GRID2: variants seen among roughly 807,000 people sequenced by gnomAD.
The protein encoded by GRID2 is glutamate ionotropic receptor delta type subunit 2.
A neutral mutation model predicts 114.8 loss-of-function variants in GRID2; 33 were observed. That is an observed-to-expected ratio of 0.29 (90% CI 0.22 to 0.38). GRID2 has a LOEUF of 0.38. Ranked by LOEUF, GRID2 falls within the 10% of genes least tolerant of loss-of-function variation. The pLI is 1.00. For synonymous variants in GRID2, 505 were observed against 449.9 expected, an observed-to-expected ratio of 1.12 and a Z score of -1.55; for missense variants, 1,184 against 1,257.7, an observed-to-expected ratio of 0.94 and a Z score of 0.89.
chr4:93,306,601 A>T (rs1319536693), intron 8 of GRID2, among the ~76,000 whole-genome samples: 3 of 152,214 alleles, frequency 2.0e-5, no homozygotes, highest in African/African-American at 7.2e-5. Flanking sequence ...CAGCAGACTG[A>T]TAATTGTATA....
chr4:93,200,210 T>C (rs1467413860), intron 4 of GRID2, among the ~76,000 whole-genome samples: 2 of 152,234 alleles, frequency 1.3e-5, no homozygotes, highest in South Asian at 2.1e-4. Context: ...TTGTCTATTT[T>C]GTTTTTAAAT....
chr4:93,295,130 C>A (rs79945431), intron 8 of GRID2, among the ~76,000 whole-genome samples: 1 of 152,022 alleles, frequency 6.6e-6, no homozygotes, highest in African/African-American at 2.4e-5. Context: ...GGTGGAGATG[C>A]AGGCAACTGG....
At chr4:92,385,896 GTGTGTATA>G (rs36205573) in intron 1 of GRID2, among the ~76,000 whole-genome samples, 36,638 of 120,228 alleles carry the variant, frequency 0.3, 5,144 homozygotes, top group East Asian at 0.62. Flanking sequence ...GTGTGTGTGT[GTGTGTATA>G]TATATATATA....
At chr4:92,395,444 A>G (rs1730446812) in intron 1 of GRID2, among the ~76,000 whole-genome samples, 1 of 151,770 alleles carries the variant, frequency 6.6e-6, no homozygotes, top group African/African-American at 2.4e-5. Flanking sequence ...ACCCTTCATT[A>G]CTTAATATCT....
chr4:92,545,189 G>A (rs1221529527), intron 1 of GRID2, among the ~76,000 whole-genome samples: 1 of 148,404 alleles, frequency 6.7e-6, no homozygotes, highest in African/African-American at 2.5e-5. Context: ...TTTTCAATTT[G>A]CTATGTCAGC....
chr4:92,988,186 A>G (rs1404452755), intron 2 of GRID2, among the ~76,000 whole-genome samples: 1 of 152,142 alleles, frequency 6.6e-6, no homozygotes, highest in Non-Finnish European at 1.5e-5. Flanking sequence ...CTCAGGGTTC[A>G]TTACAGAAGC....
In GRID2 at chr4:92,608,337, G is replaced by A. The variant is rs570287182; in HGVS notation, c.244+18051G>A. Among the ~76,000 whole-genome samples the A allele has an allele frequency of 3.2e-3, 490 of 151,842 alleles. 1 individual carries two copies. The highest frequency in any genetic ancestry group is 0.011 in the African/African-American group (471 of 41,490). The stretch of plus-strand genomic sequence containing the variant: ...AAGATATCAATCTTCATATACCAAA[G>A]TCTTATTATTTCTTTTAAAATGCAG... On this transcript the variant is annotated intron_variant, in intron 2 of 15. Transcript: ENST00000282020.
At chr4:92,437,081 A>T (rs956492460) in intron 1 of GRID2, among the ~76,000 whole-genome samples, 13 of 152,204 alleles carry the variant, frequency 8.5e-5, no homozygotes, top group Non-Finnish European at 1.9e-4. Flanking sequence ...TTTATAAGTT[A>T]TGTGTCTATA....
At chr4:92,335,125 T>G (rs1028701364) in intron 1 of GRID2, among the ~76,000 whole-genome samples, 3 of 152,256 alleles carry the variant, frequency 2.0e-5, no homozygotes, top group South Asian at 2.1e-4. Context: ...CTTTTTATCT[T>G]GTTGTTTGAA....
chr4:93,708,549 A>G (rs986388282), intron 14 of GRID2, among the ~76,000 whole-genome samples: 5 of 151,968 alleles, frequency 3.3e-5, no homozygotes, highest in African/African-American at 1.2e-4. Context: ...TTTGCAGTCT[A>G]TGTATCTCTA....
intron 9 of GRID2, among the ~76,000 whole-genome samples, chr4:93,415,877 G>A (rs1767653798): frequency 6.6e-6 from 1 of 151,966 alleles, no homozygotes; most frequent in Non-Finnish European, 1.5e-5. Flanking sequence ...TATAGAAGAT[G>A]TAAGGATTTA....
At chr4:93,371,947 C>A (rs1364200432) in intron 8 of GRID2, among the ~76,000 whole-genome samples, 1 of 151,886 alleles carries the variant, frequency 6.6e-6, no homozygotes, top group Non-Finnish European at 1.5e-5. Flanking sequence ...GGGGTTTTAC[C>A]ATGTTGGCCA....
chr4:93,708,583 A>G (rs1038473641), intron 14 of GRID2, among the ~76,000 whole-genome samples: 3 of 151,880 alleles, frequency 2.0e-5, no homozygotes, highest in African/African-American at 7.2e-5. Flanking sequence ...TTTCTTGTAC[A>G]TGAGAGATTG....
chr4:92,882,160 T>C (rs948681045), intron 2 of GRID2, among the ~76,000 whole-genome samples: 2 of 152,156 alleles, frequency 1.3e-5, no homozygotes, highest in African/African-American at 4.8e-5. Context: ...AAAGGTGATA[T>C]TTTTTGTCTT....
At chr4:92,954,193 G>T (rs1351136194) in intron 2 of GRID2, among the ~76,000 whole-genome samples, 3 of 152,094 alleles carry the variant, frequency 2.0e-5, no homozygotes, top group East Asian at 3.9e-4. Flanking sequence ...CATACTATGT[G>T]TGTGTGTGTA....
intron 8 of GRID2, among the ~76,000 whole-genome samples, chr4:93,289,921 T>C (rs1753561068): frequency 2.0e-5 from 3 of 152,130 alleles, no homozygotes; most frequent in South Asian, 4.1e-4. Context: ...GTCCATAAGA[T>C]AAGAAAAATA....
At chr4:93,682,938 A>T (rs569411547) in intron 14 of GRID2, among the ~76,000 whole-genome samples, 4 of 129,928 alleles carry the variant, frequency 3.1e-5, no homozygotes, top group South Asian at 2.5e-4. Flanking sequence ...TAATAATAAT[A>T]AAAAAAAAAG....
chr4:93,552,475 A>G (rs1413706611), intron 13 of GRID2, among the ~76,000 whole-genome samples: 2 of 152,156 alleles, frequency 1.3e-5, no homozygotes, highest in South Asian at 2.1e-4. Flanking sequence ...ACAATGGTTG[A>G]ACTAGTTGAC....
chr4:93,743,070 T>C (rs1380332064), intron 14 of GRID2, among the ~76,000 whole-genome samples: 3 of 152,168 alleles, frequency 2.0e-5, no homozygotes, highest in African/African-American at 7.2e-5. Flanking sequence ...ATATGAATGA[T>C]AAGAAAGTGA....
Sources: gnomAD v4.1 joint callset for allele counts (sites outside exome capture counted in the v4.1 genomes callset) on GRCh38, gnomAD v4.1.1 for gene constraint, MANE v1.5 for transcripts, NCBI Gene and HGNC (gene_info 2026-07-23, HGNC 2026-07-21) for gene names.